SMCHD1: variants seen among roughly 807,000 people sequenced by gnomAD.
SMCHD1 encodes structural maintenance of chromosomes flexible hinge domain-containing protein 1.
In SMCHD1, 78 loss-of-function variants were observed where a neutral mutation model predicts 254.7. That is an observed-to-expected ratio of 0.31 (90% CI 0.26 to 0.37). SMCHD1 has a LOEUF of 0.37. SMCHD1 is among the 10% of genes least tolerant of loss of function. The pLI is 1.00. For missense variants in SMCHD1, 1,840 were observed against 2,408.1 expected (o/e 0.76, Z 4.94); for synonymous variants, 766 against 794.9 (o/e 0.96, Z 0.61).
chr18:2,767,229 G>A (rs917944589), intron 37 of SMCHD1, among the ~76,000 whole-genome samples: 3 of 150,746 alleles, frequency 2.0e-5, no homozygotes, highest in African/African-American at 7.3e-5. Flanking sequence ...CTGCATTCCA[G>A]CCTGGGTGAC....
chr18:2,771,638 G>C lies in SMCHD1; in HGVS notation c.5052+20G>C. The C allele has an allele frequency of 6.8e-7, 1 of 1,471,592 alleles. No homozygotes were observed. Among genetic ancestry groups the C allele is most frequent in the Non-Finnish European group, 9.0e-7 (1 of 1,113,094 alleles). 91.2% of individuals were successfully genotyped at this position (1,471,592 alleles called of 1,614,324 possible). On this transcript the variant is annotated intron_variant, in intron 40 of 47. Coordinates refer to ENST00000320876, the MANE Select transcript of SMCHD1 (RefSeq NM_015295.3). ...CAACAGGTACAGCTTCCAACTATAC[G>C]TGAAAGATTTTTTATTAAAGTCTAT...
At chr18:2,775,129 A>T (rs1248178514) in intron 41 of SMCHD1, among the ~76,000 whole-genome samples, 9 of 114,720 alleles carry the variant, frequency 7.8e-5, no homozygotes, top group Non-Finnish European at 1.1e-4. Context: ...GTCAGACTGT[A>T]GTGCAGTGGC....
At chr18:2,728,422 C>T (rs768340558) in intron 22 of SMCHD1, 35 bp from the exon 23 acceptor site, 12 of 1,596,428 alleles carry the variant, frequency 7.5e-6, no homozygotes, top group African/African-American at 1.3e-5. Flanking sequence ...TCTTTGAAAC[C>T]TGAATATGTA....
At chr18:2,750,235 G>A (rs2075545810) in intron 31 of SMCHD1, 113 bp downstream of exon 31, 5 of 1,404,064 alleles carry the variant, frequency 3.6e-6, no homozygotes, top group Non-Finnish European at 4.9e-6. Context: ...CAAGAGTTGG[G>A]ACTGAATAGA....
chr18:2,766,618 G>A (rs1234225893), intron 37 of SMCHD1, among the ~76,000 whole-genome samples: 1 of 152,180 alleles, frequency 6.6e-6, no homozygotes, highest in African/African-American at 2.4e-5. Flanking sequence ...CACAACCAAT[G>A]TTTGTAAATG....
At chr18:2,658,813 T>G (rs9965401) in intron 1 of SMCHD1, among the ~76,000 whole-genome samples, 30,903 of 151,230 alleles carry the variant, frequency 0.2, 3,392 homozygotes, top group South Asian at 0.33. Flanking sequence ...TATGTATACA[T>G]ATACATATAT....
At chr18:2,751,759 G>C (rs1424451118) in intron 33 of SMCHD1, among the ~76,000 whole-genome samples, 1 of 152,086 alleles carries the variant, frequency 6.6e-6, no homozygotes, top group Non-Finnish European at 1.5e-5. Context: ...TGGAGAGTTA[G>C]AGGGTCTAGA....
chr18:2,757,301 C>T (rs9635848), intron 34 of SMCHD1, among the ~76,000 whole-genome samples: 29,300 of 152,008 alleles, frequency 0.19, 3,094 homozygotes, highest in South Asian at 0.27. Context: ...GCCTTGAACT[C>T]CTGGATTCAA....
In SMCHD1 at chr18:2,799,733, T is replaced by C. The variant is rs1056958478; in HGVS notation, c.5994-2795T>C. Among the ~76,000 whole-genome samples, 4 of 152,176 alleles carry C rather than the reference T, an allele frequency of 2.6e-5. No individual in the cohort carries two copies. In the South Asian group the frequency reaches 6.2e-4, roughly 24 times the overall value. ...TTCCAATTGTTACTAAGACTCTTTC[T>C]TGTTAATTTTTCTGGAGTTTTTAAT... is the stretch of plus-strand genomic sequence containing the variant. On this transcript the variant is annotated intron_variant, in intron 47 of 47. Transcript: ENST00000320876.
intron 25 of SMCHD1, among the ~76,000 whole-genome samples, chr18:2,736,509 C>G (rs1421429330): frequency 6.6e-6 from 1 of 152,090 alleles, no homozygotes; most frequent in Non-Finnish European, 1.5e-5. Flanking sequence ...GCTATATATT[C>G]TAAAAAGGTC....
rs1246284764 is a variant in SMCHD1 at position 2,763,570 on chromosome 18, A to G, written c.4567-67A>G. The G allele has an allele frequency of 4.0e-6, 5 of 1,259,518 alleles. No homozygotes were observed. In the East Asian group the frequency reaches 1.4e-4, roughly 35 times the overall value. The allele number at this position is 1,259,518 out of a possible 1,614,324, so 78.0% of individuals were successfully genotyped here. On this transcript the variant is annotated intron_variant, in intron 36 of 47. Transcript: ENST00000320876. ...GCTCTCTGTATTATTTCTGATTTGTACATGCTCTTCTCTGGGTTTAATCTT... is the reference window on the plus strand; with the variant it reads ...GCTCTCTGTATTATTTCTGATTTGTGCATGCTCTTCTCTGGGTTTAATCTT...
chr18:2,725,567 GACTTA>G (rs930603100), intron 21 of SMCHD1, among the ~76,000 whole-genome samples: 20 of 151,930 alleles, frequency 1.3e-4, no homozygotes, highest in African/African-American at 4.6e-4. Flanking sequence ...GCAGCTAATA[GACTTA>G]ACTGACTAAA....
intron 22 of SMCHD1, chr18:2,727,105 T>C (rs2075041725): frequency 6.6e-6 from 1 of 152,382 alleles, no homozygotes; most frequent in African/African-American, 2.4e-5. Flanking sequence ...TTAGGAGGAT[T>C]AAATGAGTTA....
chr18:2,776,867 G>A (rs1229073847), intron 42 of SMCHD1, among the ~76,000 whole-genome samples: 2 of 152,092 alleles, frequency 1.3e-5, no homozygotes, highest in Admixed American at 1.3e-4. Context: ...AAATCCTGAC[G>A]GGTCATAGTT....
chr18:2,729,219 G>T (rs566843358), intron 23 of SMCHD1, 56 bp from the exon 24 acceptor site: 12 of 1,297,902 alleles, frequency 9.2e-6, no homozygotes, highest in African/African-American at 6.1e-5. Context: ...GAACAATTAC[G>T]GAAGAATCAA....
chr18:2,722,726 C>T (rs376011183), intron 20 of SMCHD1, 63 bp downstream of exon 20: 1 of 1,436,310 alleles, frequency 7.0e-7, no homozygotes, highest in East Asian at 2.4e-5. Flanking sequence ...CTCTTTTTTT[C>T]AGCTTCATTT....
At chr18:2,704,891 A>C (rs963308582) in intron 13 of SMCHD1, among the ~76,000 whole-genome samples, 1 of 152,102 alleles carries the variant, frequency 6.6e-6, no homozygotes, top group African/African-American at 2.4e-5. Context: ...TAGTGGTTAG[A>C]ATGAAAAGGA....
At chr18:2,662,667 C>CAAAAAAAAAAAAAAAAAAAAAAAAAAA (rs745838636) in intron 1 of SMCHD1, among the ~76,000 whole-genome samples, 8 of 35,678 alleles carry the variant, frequency 2.2e-4, no homozygotes, top group African/African-American at 3.7e-4. Flanking sequence ...AACAAAAAAC[C>CAAAAAAAAAAAAAAAAAAAAAAAAAAA]AAAAAAAAAA....
intron 33 of SMCHD1, 59 bp downstream of exon 33, chr18:2,751,452 T>C (rs2075569673): frequency 1.1e-6 from 1 of 900,640 alleles, no homozygotes; most frequent in Non-Finnish European, 1.7e-6. Flanking sequence ...AACTTAAAAC[T>C]AAGTCTCCTT....
Sources: gnomAD v4.1 joint callset for allele counts (sites outside exome capture counted in the v4.1 genomes callset) on GRCh38, gnomAD v4.1.1 for gene constraint, MANE v1.5 for transcripts, NCBI Gene and HGNC (gene_info 2026-07-23, HGNC 2026-07-21) for gene names.